Variants in ANKRD44 observed in about 807,000 individuals in gnomAD.
ANKRD44 encodes ankyrin repeat domain 44.
A neutral mutation model predicts 116.0 loss-of-function variants in ANKRD44; 35 were observed. The ratio of observed to expected loss-of-function variants is 0.30; its 90% confidence interval spans 0.23 to 0.40. The LOEUF is 0.40. Among genes scored for constraint, ANKRD44 ranks in the 10% least tolerant of loss-of-function variants. The probability of loss-of-function intolerance (pLI) is 1.00; values close to 1 mark genes in which losing one functional copy is unlikely to be tolerated. For missense variants in ANKRD44, 1,014 were observed against 1,242.6 expected (o/e 0.82, Z 2.77); for synonymous variants, 435 against 461.8 (o/e 0.94, Z 0.74).
chr2:197,206,497 A>G (rs1359735827), intron 1 of ANKRD44, among the ~76,000 whole-genome samples: 2 of 152,222 alleles, frequency 1.3e-5, no homozygotes, highest in African/African-American at 4.8e-5. Flanking sequence ...CAGCCTGGCC[A>G]ATATGGCAAA....
Position 196,986,903 on chromosome 2 carries a change from CATT to C in ANKRD44, c.*2685_*2687del. 5 of 985,272 alleles carry C rather than the reference CATT, an allele frequency of 5.1e-6. No individual in the cohort carries two copies. The highest frequency in any genetic ancestry group is 6.0e-6 in the Non-Finnish European group (5 of 829,836). The allele number at this position is 985,272 out of a possible 1,614,324, so 61.0% of individuals were successfully genotyped here. A position where few individuals can be genotyped will look rare whatever the true frequency, so the allele number is the denominator to read the frequency against. On this transcript the variant is annotated 3_prime_UTR_variant, in exon 28 of 28. Transcript: ENST00000282272. Reference sequence around the variant, plus strand: ...TTCAACTCCAATTTACATAAGAAAACATTATAGACAAAATCCCACTGAAATCAT... The same window carrying C: ...TTCAACTCCAATTTACATAAGAAAACATAGACAAAATCCCACTGAAATCAT...
chr2:197,112,480 C>T lies in ANKRD44; in HGVS notation c.907-1636G>A, dbSNP rs749925409. Among the ~76,000 whole-genome samples the T allele has an allele frequency of 5.9e-5, 9 of 152,034 alleles. No individual in the cohort carries two copies. In the South Asian group the frequency reaches 6.2e-4, roughly 11 times the overall value. On this transcript the variant is annotated intron_variant, in intron 8 of 27. Transcript: ENST00000282272. The stretch of plus-strand genomic sequence containing the variant: ...ATCCCAGCACTTTGGGAGGCCGAGG[C>T]GGGAGGATCAAGAGGTCAGGAGATA...
chr2:197,098,690 T>A lies in ANKRD44; in HGVS notation c.1100+1126A>T, dbSNP rs540008554. Among the ~76,000 whole-genome samples the A allele has an allele frequency of 2.6e-5, 4 of 152,316 alleles. No individual in the cohort carries two copies. In the South Asian group the frequency reaches 6.2e-4, roughly 24 times the overall value. ...AACATGCGTTATCTTTTTAATAACC[T>A]TAGGAGGTGTATTTATAGAACTCAT... On this transcript the variant is annotated intron_variant, in intron 10 of 27. Transcript: ENST00000282272.
Position 196,995,470 on chromosome 2 carries a change from GA to G in ANKRD44, c.2749-10del. The G allele has an allele frequency of 6.4e-7, 1 of 1,573,640 alleles. No homozygotes were observed. On this transcript the variant is annotated splice_polypyrimidine_tract_variant and intron_variant, in intron 25 of 27. Coordinates refer to ENST00000282272, the MANE Select transcript of ANKRD44 (RefSeq NM_001195144.2). Reference sequence around the variant, plus strand: ...GCACATTTTTCATGACCCTAATAAAGAAAAAGAATGATAAGAAATGCAAGAT... The same window carrying G: ...GCACATTTTTCATGACCCTAATAAAGAAAAGAATGATAAGAAATGCAAGAT...
At chr2:197,301,679 G>C (rs1345301976) in intron 1 of ANKRD44, among the ~76,000 whole-genome samples, 2 of 152,066 alleles carry the variant, frequency 1.3e-5, no homozygotes, top group African/African-American at 4.8e-5. Flanking sequence ...AAAAACATTT[G>C]AACATGTACA....
intron 2 of ANKRD44, among the ~76,000 whole-genome samples, chr2:197,147,400 T>C (rs532832777): frequency 3.5e-4 from 52 of 148,726 alleles, no homozygotes; most frequent in African/African-American, 1.1e-3. Context: ...AATTTCAACT[T>C]ACAGTATTTC....
chr2:197,224,922 T>C lies in ANKRD44; in HGVS notation c.28-37816A>G, dbSNP rs973757104. Among the ~76,000 whole-genome samples the C allele has an allele frequency of 4.6e-5, 7 of 152,312 alleles. No homozygotes were observed. The South Asian group carries it at 6.2e-4, about 14-fold the overall frequency. ...CATAGGCTCTAAAAATCAAAACACATTTGAAGTTCCTCATGGATACAGATG... is the reference window on the plus strand; with the variant it reads ...CATAGGCTCTAAAAATCAAAACACACTTGAAGTTCCTCATGGATACAGATG... On this transcript the variant is annotated intron_variant, in intron 1 of 27. Transcript: ENST00000282272.
intron 27 of ANKRD44, chr2:196,990,746 C>T: frequency 8.1e-7 from 1 of 1,232,202 alleles, no homozygotes; most frequent in Non-Finnish European, 1.0e-6. Flanking sequence ...TGTTACTGCA[C>T]AGGCTAACCA....
At chr2:197,086,588 G>C in intron 13 of ANKRD44, 92 bp downstream of exon 13, 1 of 1,262,834 alleles carries the variant, frequency 7.9e-7, no homozygotes, top group South Asian at 1.3e-5. Flanking sequence ...CTAACTTCCC[G>C]GTTTACCATT....
chr2:197,133,943 CTTTCTT>C (rs1442101417), intron 4 of ANKRD44: 1 of 65,006 alleles, frequency 1.5e-5, no homozygotes, highest in Non-Finnish European at 2.8e-5. Context: ...TTTTCTTTTT[CTTTCTT>C]TTTTTTTTTT....
intron 17 of ANKRD44, among the ~76,000 whole-genome samples, chr2:197,014,553 C>T (rs547413571): frequency 4.6e-5 from 7 of 152,024 alleles, no homozygotes; most frequent in Non-Finnish European, 7.4e-5. Flanking sequence ...TTTGGGAGGC[C>T]GAGACGGGTG....
intron 21 of ANKRD44, among the ~76,000 whole-genome samples, chr2:197,004,265 A>C (rs1022008409): frequency 1.3e-5 from 2 of 152,194 alleles, no homozygotes; most frequent in Non-Finnish European, 1.5e-5. Flanking sequence ...ATTTGTTGAA[A>C]ATATAATAGA....
At chr2:197,085,831 C>G (rs1017473672) in intron 13 of ANKRD44, among the ~76,000 whole-genome samples, 24 of 152,138 alleles carry the variant, frequency 1.6e-4, no homozygotes, top group Admixed American at 1.5e-3. Context: ...ACTCTATGGA[C>G]TCGCCCTGAA....
chr2:197,034,271 T>C (rs932949782), intron 16 of ANKRD44, among the ~76,000 whole-genome samples: 3 of 152,108 alleles, frequency 2.0e-5, no homozygotes, highest in Admixed American at 6.6e-5. Flanking sequence ...TAAAAAGCAA[T>C]GAGTTCTGCA....
chr2:197,218,536 T>C (rs7580530), intron 1 of ANKRD44, among the ~76,000 whole-genome samples: 23,956 of 152,080 alleles, frequency 0.16, 2,403 homozygotes, highest in African/African-American at 0.29. Flanking sequence ...TAACTACAGT[T>C]GAAGGGCCAC....
intron 1 of ANKRD44, among the ~76,000 whole-genome samples, chr2:197,294,207 G>A (rs2083651609): frequency 6.6e-6 from 1 of 152,128 alleles, no homozygotes; most frequent in Non-Finnish European, 1.5e-5. Flanking sequence ...GTTTTCTAAA[G>A]TTGTACACTA....
intron 10 of ANKRD44, chr2:197,099,425 T>C (rs2078238141): frequency 1.3e-6 from 1 of 747,464 alleles, no homozygotes; most frequent in Admixed American, 5.7e-5. Flanking sequence ...ATTGACTCAA[T>C]TGTACTCTAT....
chr2:196,991,403 A>C (rs1429943229), intron 27 of ANKRD44, among the ~76,000 whole-genome samples: 2 of 152,208 alleles, frequency 1.3e-5, no homozygotes, highest in Non-Finnish European at 2.9e-5. Flanking sequence ...CAATTAGAAA[A>C]GATATTGAAA....
At position 197,075,100 on chromosome 2, in the gene ANKRD44, A is replaced by C. The variant is rs1468874160; in HGVS notation, c.1650+3603T>G. 2.6e-5 allele frequency among the ~76,000 whole-genome samples: 4 copies of C among 152,230 alleles called. No individual in the cohort carries two copies. In the East Asian group the frequency reaches 7.7e-4, roughly 29 times the overall value. On this transcript the variant is annotated intron_variant, in intron 16 of 27. Coordinates refer to ENST00000282272, the MANE Select transcript of ANKRD44 (RefSeq NM_001195144.2). ...AATTCCAAGTGATTTGGCATGAAAAAATCTCAGCCTGAAAGTAATCAGAGG... is the reference window on the plus strand; with the variant it reads ...AATTCCAAGTGATTTGGCATGAAAACATCTCAGCCTGAAAGTAATCAGAGG...
Sources: allele counts gnomAD v4.1 joint callset (sites outside exome capture counted in the v4.1 genomes callset), GRCh38; gene constraint gnomAD v4.1.1; transcripts MANE v1.5; gene names NCBI Gene and HGNC (gene_info 2026-07-23, HGNC 2026-07-21).